PHF20: variants seen among roughly 807,000 people sequenced by gnomAD.
The protein encoded by PHF20 is glioma-expressed antigen 2.
A neutral mutation model predicts 113.5 loss-of-function variants in PHF20; 23 were observed. That is an observed-to-expected ratio of 0.20 (90% CI 0.15 to 0.29). PHF20 has a LOEUF of 0.29. Ranked by LOEUF, PHF20 falls within the 10% of genes least tolerant of loss-of-function variation. The pLI is 1.00. For missense variants in PHF20, 943 were observed against 1,219.6 expected, an observed-to-expected ratio of 0.77 and a Z score of 3.38; for synonymous variants, 434 against 457.3, an observed-to-expected ratio of 0.95 and a Z score of 0.65.
chr20:35,805,293 T>G (rs1261256863), intron 2 of PHF20, among the ~76,000 whole-genome samples: 2 of 151,602 alleles, frequency 1.3e-5, no homozygotes, highest in African/African-American at 4.8e-5. Context: ...TGACCTCCCT[T>G]GGCTTAAGCA....
chr20:35,840,418 C>T (rs2042518237), intron 2 of PHF20, among the ~76,000 whole-genome samples: 3 of 152,006 alleles, frequency 2.0e-5, no homozygotes, highest in South Asian at 2.1e-4. Context: ...GAAACCAGCC[C>T]GAGTATTTTA....
At chr20:35,920,896 C>A (rs1206484531) in intron 13 of PHF20, among the ~76,000 whole-genome samples, 1 of 152,312 alleles carries the variant, frequency 6.6e-6, no homozygotes, top group Middle Eastern at 3.4e-3. Flanking sequence ...ATCAGAACCC[C>A]TTTTCCTAAT....
intron 12 of PHF20, among the ~76,000 whole-genome samples, chr20:35,915,798 A>G (rs2055393194): frequency 6.6e-6 from 1 of 152,196 alleles, no homozygotes; most frequent in Non-Finnish European, 1.5e-5. Flanking sequence ...GTAATGTTCA[A>G]AAATTTGAAC....
chr20:35,786,858 T>C (rs1452007353), intron 1 of PHF20, among the ~76,000 whole-genome samples: 1 of 152,198 alleles, frequency 6.6e-6, no homozygotes, highest in East Asian at 1.9e-4. Context: ...ATGCTTTGCC[T>C]TCCTCTGCAC....
At chr20:35,871,191 C>T (rs1870626429) in intron 8 of PHF20, 57 bp downstream of exon 8, 1 of 1,326,474 alleles carries the variant, frequency 7.5e-7, no homozygotes, top group Non-Finnish European at 1.1e-6. Flanking sequence ...TAGTGAGAAT[C>T]AATGTAAATC....
At chr20:35,925,347 C>T (rs1235953203) in intron 13 of PHF20, among the ~76,000 whole-genome samples, 1 of 151,646 alleles carries the variant, frequency 6.6e-6, no homozygotes, top group African/African-American at 2.4e-5. Flanking sequence ...GCAACCTCCG[C>T]CTCCTAGGTT....
intron 17 of PHF20, among the ~76,000 whole-genome samples, chr20:35,946,214 A>G (rs2056080179): frequency 6.6e-6 from 1 of 151,278 alleles, no homozygotes; most frequent in Non-Finnish European, 1.5e-5. Context: ...CATGCCTGTA[A>G]TCCTAGCAGT....
intron 9 of PHF20, among the ~76,000 whole-genome samples, chr20:35,883,974 G>A (rs888576325): frequency 6.6e-6 from 1 of 152,174 alleles, no homozygotes; most frequent in Non-Finnish European, 1.5e-5. Context: ...AGTGATGTCA[G>A]TACTCCAGGA....
intron 3 of PHF20, among the ~76,000 whole-genome samples, chr20:35,844,414 TTGG>T (rs1568641868): frequency 7.0e-6 from 1 of 142,578 alleles, no homozygotes; most frequent in East Asian, 2.0e-4. Context: ...TTTTTTTTTT[TTGG>T]TTTTTTTTTT....
chr20:35,875,751 G>A (rs766485418), intron 9 of PHF20, among the ~76,000 whole-genome samples: 6 of 152,148 alleles, frequency 3.9e-5, no homozygotes, highest in Non-Finnish European at 7.3e-5. Context: ...TGTCTTAAGG[G>A]TAGTGGTATG....
chr20:35,823,593 C>G (rs964270077), intron 2 of PHF20, among the ~76,000 whole-genome samples: 1 of 142,940 alleles, frequency 7.0e-6, no homozygotes, highest in Non-Finnish European at 1.5e-5. Flanking sequence ...TACCGCTGCA[C>G]TCCAACTCCA....
intron 2 of PHF20, among the ~76,000 whole-genome samples, chr20:35,804,788 T>G (rs2041850902): frequency 1.3e-5 from 2 of 152,322 alleles, no homozygotes; most frequent in Non-Finnish European, 2.9e-5. Flanking sequence ...ACACAGACTT[T>G]TACTTGGGCA....
rs2056123738 is a variant in PHF20 at position 35,948,438 on chromosome 20, C to T, written c.*811C>T. 1 of 152,638 alleles carries T rather than the reference C, an allele frequency of 6.6e-6. No individual in the cohort carries two copies. The highest frequency in any genetic ancestry group is 2.4e-5 in the African/African-American group (1 of 41,462). 9.5% of individuals were successfully genotyped at this position (152,638 alleles called of 1,614,324 possible). A position where few individuals can be genotyped will look rare whatever the true frequency, so the allele number is the denominator to read the frequency against. ...TTCTATTTAATGTCCAAAAATGTTT[C>T]CCAAAATTTCAAACTCTTTCACTGT... On this transcript the variant is annotated 3_prime_UTR_variant, in exon 18 of 18. Transcript: ENST00000374012.
intron 10 of PHF20, among the ~76,000 whole-genome samples, chr20:35,905,466 A>G (rs902077520): frequency 6.7e-6 from 1 of 149,312 alleles, no homozygotes; most frequent in Non-Finnish European, 1.5e-5. Flanking sequence ...TGATGGGATT[A>G]GTGGCATTAT....
At chr20:35,822,098 T>G (rs2042178391) in intron 2 of PHF20, among the ~76,000 whole-genome samples, 1 of 152,150 alleles carries the variant, frequency 6.6e-6, no homozygotes, top group Admixed American at 6.5e-5. Flanking sequence ...GAGCCCTGGG[T>G]TAGAGATAGA....
intron 7 of PHF20, 39 bp downstream of exon 7, chr20:35,869,590 CGTTG>C (rs779826498): frequency 8.9e-7 from 1 of 1,121,274 alleles, no homozygotes; most frequent in South Asian, 1.3e-5. Context: ...TAGAATTTGA[CGTTG>C]TTTGGGTCAA....
intron 9 of PHF20, among the ~76,000 whole-genome samples, chr20:35,893,124 G>A (rs956431880): frequency 9.9e-5 from 15 of 152,196 alleles, no homozygotes; most frequent in African/African-American, 2.7e-4. Flanking sequence ...CCAAGCTGGC[G>A]CTCCTTTGGA....
intron 1 of PHF20, among the ~76,000 whole-genome samples, chr20:35,782,078 G>T (rs1227780419): frequency 6.6e-6 from 1 of 151,804 alleles, no homozygotes; most frequent in Admixed American, 6.6e-5. Context: ...TGCCTTTTTT[G>T]AGGCTCCTGG....
At chr20:35,857,562 C>CTTTTTTTTTTTTTGTT (rs2042855214) in intron 4 of PHF20, among the ~76,000 whole-genome samples, 36 of 99,664 alleles carry the variant, frequency 3.6e-4, no homozygotes, top group African/African-American at 1.3e-3. Context: ...AATGATGTTC[C>CTTTTTTTTTTTTTGTT]TTTTTTTTTT....
Sources: allele counts gnomAD v4.1 joint callset (sites outside exome capture counted in the v4.1 genomes callset), GRCh38; gene constraint gnomAD v4.1.1; transcripts MANE v1.5; gene names NCBI Gene and HGNC (gene_info 2026-07-23, HGNC 2026-07-21).